Variants in MERTK observed in about 807,000 individuals in gnomAD.
MERTK encodes the protein MER proto-oncogene, tyrosine kinase.
MERTK carries 69 observed loss-of-function variants against 99.3 expected under a neutral mutation model. The observed-to-expected ratio is 0.70, with a 90% CI of 0.57 to 0.85. The LOEUF is 0.85. Among genes scored for constraint, MERTK ranks in the 40% least tolerant of loss-of-function variants. MERTK has a pLI of 0.00. For synonymous variants in MERTK, 426 were observed against 467.6 expected, an observed-to-expected ratio of 0.91 and a Z score of 1.15; for missense variants, 1,125 against 1,249.4, an observed-to-expected ratio of 0.90 and a Z score of 1.50.
Position 111,997,320 on chromosome 2 carries a change from C to T in MERTK, c.1451-3C>T. On this transcript the variant is annotated splice_region_variant and splice_polypyrimidine_tract_variant and intron_variant, in intron 9 of 18. Coordinates refer to ENST00000295408, the MANE Select transcript of MERTK (RefSeq NM_006343.3). Reference sequence around the variant, plus strand: ...CATGACTGGTCTATTGGTATCTCACCAGGTTGGGTAGATTATGCCCCCTCT... The same window carrying T: ...CATGACTGGTCTATTGGTATCTCACTAGGTTGGGTAGATTATGCCCCCTCT... The T allele has an allele frequency of 6.2e-7, 1 of 1,614,008 alleles. No individual in the cohort carries two copies. Among genetic ancestry groups the T allele is most frequent in the East Asian group, 2.2e-5 (1 of 44,886 alleles).
At chr2:111,935,894 G>A (rs1018214844) in intron 2 of MERTK, among the ~76,000 whole-genome samples, 4 of 151,808 alleles carry the variant, frequency 2.6e-5, no homozygotes, top group Non-Finnish European at 5.9e-5. Flanking sequence ...GAATATTTCT[G>A]TATATTATTA....
intron 1 of MERTK, among the ~76,000 whole-genome samples, chr2:111,923,558 A>C (rs763801973): frequency 3.9e-5 from 6 of 152,176 alleles, no homozygotes; most frequent in Non-Finnish European, 8.8e-5. Flanking sequence ...CGTTTATGTG[A>C]AGTTAAAATT....
intron 4 of MERTK, among the ~76,000 whole-genome samples, chr2:111,951,522 C>CATATATATATATATAT (rs56410508): frequency 0.012 from 1,009 of 85,668 alleles, 38 homozygotes; most frequent in African/African-American, 0.013. Flanking sequence ...ATAATATTCC[C>CATATATATATATATAT]ATATATATAT....
At chr2:111,948,084 C>T (rs1684993612) in intron 4 of MERTK, among the ~76,000 whole-genome samples, 1 of 152,134 alleles carries the variant, frequency 6.6e-6, no homozygotes, top group South Asian at 2.1e-4. Flanking sequence ...TGATGATGCT[C>T]TTGTCAATAC....
At chr2:111,906,520 G>T (rs1684139051) in intron 1 of MERTK, among the ~76,000 whole-genome samples, 1 of 152,196 alleles carries the variant, frequency 6.6e-6, no homozygotes, top group Non-Finnish European at 1.5e-5. Flanking sequence ...ACTGAAAGTT[G>T]TTTTCTGTCA....
In MERTK at chr2:112,002,892, G is replaced by A. The variant is rs1278467089; in HGVS notation, c.1691-200G>A. Among the ~76,000 whole-genome samples, 5 of 152,178 alleles carry A rather than the reference G, an allele frequency of 3.3e-5. No homozygotes were observed. The East Asian group carries it at 5.8e-4, about 18-fold the overall frequency. ...GGAGGCTGAGGCACAAGAATCGCTTGAACCCAGGAGGCAGAGGTTGCAGTG... is the reference window on the plus strand; with the variant it reads ...GGAGGCTGAGGCACAAGAATCGCTTAAACCCAGGAGGCAGAGGTTGCAGTG... On this transcript the variant is annotated intron_variant, in intron 11 of 18. Transcript: ENST00000295408.
chr2:112,022,890 C>G (rs1573649603), intron 18 of MERTK, among the ~76,000 whole-genome samples: 1 of 152,142 alleles, frequency 6.6e-6, no homozygotes, highest in African/African-American at 2.4e-5. Context: ...ATCAGAATCG[C>G]TTGGGAGATA....
intron 8 of MERTK, among the ~76,000 whole-genome samples, chr2:111,984,167 C>T (rs112911716): frequency 6.6e-6 from 1 of 151,874 alleles, no homozygotes; most frequent in Non-Finnish European, 1.5e-5. Flanking sequence ...TGTCTCAGCT[C>T]AAGCATTCAG....
intron 4 of MERTK, among the ~76,000 whole-genome samples, chr2:111,948,508 A>G (rs540969492): frequency 6.6e-6 from 1 of 152,300 alleles, no homozygotes; most frequent in East Asian, 1.9e-4. Context: ...CCTCCTTGGC[A>G]TTGCCACTTG....
chr2:111,950,873 C>A (rs1156525834), intron 4 of MERTK, among the ~76,000 whole-genome samples: 1 of 152,120 alleles, frequency 6.6e-6, no homozygotes, highest in African/African-American at 2.4e-5. Context: ...GACATCTTGA[C>A]AATATTGAGC....
intron 1 of MERTK, among the ~76,000 whole-genome samples, chr2:111,925,290 ATATTTTTTTTTTT>A (rs1684537940): frequency 3.2e-5 from 1 of 31,508 alleles, no homozygotes; most frequent in Non-Finnish European, 5.4e-5. Context: ...ATATATATAT[ATATTTTTTTTTTT>A]TTTTTTTTTT....
chr2:111,982,640 C>T (rs980429477), intron 7 of MERTK, among the ~76,000 whole-genome samples: 18 of 152,138 alleles, frequency 1.2e-4, no homozygotes, highest in African/African-American at 4.3e-4. Flanking sequence ...GCTTCAGTAA[C>T]CTAAAAGGGC....
chr2:111,928,571 C>T (rs764545782), intron 1 of MERTK, among the ~76,000 whole-genome samples: 8 of 152,130 alleles, frequency 5.3e-5, no homozygotes, highest in Non-Finnish European at 7.4e-5. Context: ...CTGTAACCTC[C>T]GCCTCCCAGG....
chr2:111,914,570 T>C (rs1057022439), intron 1 of MERTK, among the ~76,000 whole-genome samples: 2 of 152,180 alleles, frequency 1.3e-5, no homozygotes, highest in African/African-American at 4.8e-5. Flanking sequence ...TGAGCCACCA[T>C]GTCTGGCTTC....
intron 4 of MERTK, among the ~76,000 whole-genome samples, chr2:111,953,366 G>A (rs963507430): frequency 3.3e-5 from 5 of 152,180 alleles, no homozygotes; most frequent in African/African-American, 1.2e-4. Flanking sequence ...ATTTGTGAAG[G>A]GTTTGGAAAG....
Position 112,021,469 on chromosome 2 carries a change from A to G in MERTK, c.2237A>G (p.Lys746Arg). 6.2e-7 allele frequency: 1 copy of G among 1,613,876 alleles called. No individual in the cohort carries two copies. Among genetic ancestry groups the G allele is most frequent in the Non-Finnish European group, 8.5e-7 (1 of 1,179,866 alleles). Reference sequence around the variant, plus strand: ...TGTGTTGCGGACTTCGGCCTCTCTAAGAAGATTTACAGTGGCGATTATTAC... The same window carrying G: ...TGTGTTGCGGACTTCGGCCTCTCTAGGAAGATTTACAGTGGCGATTATTAC... ...TVCVADFGLS[K>R]KIYSGDYYRQ... Residue 746 changes from lysine to arginine, a missense_variant, in exon 17 of 19, where the codon AAG (lysine) becomes AGG (arginine). Lys to Arg is a conservative substitution (Grantham distance 26). Transcript: ENST00000295408.
chr2:112,001,397 ATT>A, intron 11 of MERTK, 111 bp downstream of exon 11: 1 of 869,854 alleles, frequency 1.1e-6, no homozygotes, highest in Non-Finnish European at 1.9e-6. Flanking sequence ...AAGAATGGAT[ATT>A]TTTAATGTAC....
At chr2:111,954,904 A>G (rs552601306) in intron 4 of MERTK, among the ~76,000 whole-genome samples, 6 of 152,238 alleles carry the variant, frequency 3.9e-5, no homozygotes, top group African/African-American at 1.4e-4. Context: ...ACTACGTAAA[A>G]ACTTATTTTT....
chr2:111,970,887 C>A (rs942769035), intron 6 of MERTK, among the ~76,000 whole-genome samples: 2 of 147,372 alleles, frequency 1.4e-5, no homozygotes, highest in African/African-American at 5.0e-5. Flanking sequence ...TCTTCTTGTT[C>A]TTTTCTTGGA....
Sources: gnomAD v4.1 joint callset for allele counts (sites outside exome capture counted in the v4.1 genomes callset) on GRCh38, gnomAD v4.1.1 for gene constraint, MANE v1.5 for transcripts, NCBI Gene and HGNC (gene_info 2026-07-23, HGNC 2026-07-21) for gene names.